Variants in IL1RAPL2 observed in about 807,000 individuals in gnomAD.
The protein encoded by IL1RAPL2 is interleukin 1 receptor accessory protein like 2.
Under a neutral mutation model 44.1 loss-of-function variants are expected in IL1RAPL2, and 3 were observed. The ratio of observed to expected loss-of-function variants is 0.07; its 90% CI spans 0.03 to 0.18. The LOEUF (loss-of-function observed/expected upper bound fraction) is 0.18, where lower values mean the gene tolerates loss of function less well. Ranked by LOEUF, IL1RAPL2 falls within the 10% of genes least tolerant of loss-of-function variation. IL1RAPL2 has a pLI of 1.00. For missense variants in IL1RAPL2, 391 were observed against 496.4 expected, an observed-to-expected ratio of 0.79 and a Z score of 2.02; for synonymous variants, 181 against 178.8, an observed-to-expected ratio of 1.01 and a Z score of -0.10.
chrX:105,443,799 G>A (rs764871353), intron 5 of IL1RAPL2, among the ~76,000 whole-genome samples: 2 of 112,356 alleles, frequency 1.8e-5, no homozygotes, highest in East Asian at 5.6e-4. Context: ...TGCTGCACAA[G>A]CATAGGAGTG....
At chrX:104,936,646 G>C (rs1252767384) in intron 2 of IL1RAPL2, among the ~76,000 whole-genome samples, 41 of 87,100 alleles carry the variant, frequency 4.7e-4, no homozygotes, top group African/African-American at 1.8e-3. Flanking sequence ...TTTTTGAGAT[G>C]GAGTCTCGCT....
chrX:104,835,740 T>A (rs1232369248), intron 2 of IL1RAPL2, among the ~76,000 whole-genome samples: 1 of 112,422 alleles, frequency 8.9e-6, no homozygotes, highest in Non-Finnish European at 1.9e-5. Flanking sequence ...CTCCCTCACC[T>A]GTCCCAGTTG....
At chrX:104,957,802 G>A (rs1186104986) in intron 2 of IL1RAPL2, among the ~76,000 whole-genome samples, 1 of 111,820 alleles carries the variant, frequency 8.9e-6, no homozygotes, top group East Asian at 2.8e-4. Context: ...ACTCTTCTGG[G>A]CTGGGCACAG....
chrX:104,708,501 G>A (rs1931399143), intron 2 of IL1RAPL2, among the ~76,000 whole-genome samples: 1 of 110,813 alleles, frequency 9.0e-6, no homozygotes, highest in Non-Finnish European at 1.9e-5. Context: ...CCCTACAGGG[G>A]AATAAATGAA....
At chrX:105,064,168 G>T (rs2032108548) in intron 2 of IL1RAPL2, among the ~76,000 whole-genome samples, 1 of 112,285 alleles carries the variant, frequency 8.9e-6, no homozygotes, top group African/African-American at 3.2e-5. Flanking sequence ...GTCCAGAGAT[G>T]CTATTTGGGA....
intron 7 of IL1RAPL2, among the ~76,000 whole-genome samples, chrX:105,733,895 T>G (rs1040636247): frequency 1.8e-5 from 2 of 112,086 alleles, no homozygotes; most frequent in African/African-American, 6.5e-5. Context: ...TTAATATGCC[T>G]TGTTACTTTT....
intron 6 of IL1RAPL2, among the ~76,000 whole-genome samples, chrX:105,557,930 C>T (rs368416718): frequency 3.6e-5 from 4 of 111,397 alleles, no homozygotes; most frequent in East Asian, 5.7e-4. Context: ...GAATGAAGCA[C>T]GCATAACACC....
intron 2 of IL1RAPL2, among the ~76,000 whole-genome samples, chrX:104,947,260 G>A (rs1925407627): frequency 9.2e-6 from 1 of 108,156 alleles, no homozygotes; most frequent in African/African-American, 3.4e-5. Context: ...TTTTGATGGG[G>A]TTGTTTGTTT....
chrX:105,666,782 A>G (rs1195949659), intron 6 of IL1RAPL2, among the ~76,000 whole-genome samples: 1 of 111,396 alleles, frequency 9.0e-6, no homozygotes, highest in East Asian at 2.8e-4. Flanking sequence ...GGCGCCCCTC[A>G]TGTGTCCATT....
chrX:104,760,964 A>C (rs910201270), intron 2 of IL1RAPL2, among the ~76,000 whole-genome samples: 2 of 111,366 alleles, frequency 1.8e-5, no homozygotes, highest in Admixed American at 9.6e-5. Context: ...GTATACAGTG[A>C]GAGATGGGGT....
At chrX:105,693,033 G>C (rs959158463) in intron 6 of IL1RAPL2, among the ~76,000 whole-genome samples, 1 of 111,502 alleles carries the variant, frequency 9.0e-6, no homozygotes, top group Non-Finnish European at 1.9e-5. Context: ...CCAGAAGTCT[G>C]ATCATTTGTG....
Position 105,544,419 on chromosome X carries a change from C to CT in IL1RAPL2, c.772+60041dup, listed in dbSNP as rs1246195181. ...CTTCTTTCTTTCTTTTGATTCTTCT[C>CT]TTTTTTTTTCTTTCTTCTTATTGCC... On this transcript the variant is annotated intron_variant, in intron 6 of 10. Transcript: ENST00000372582. Among the ~76,000 whole-genome samples the CT allele has an allele frequency of 7.0e-4, 77 of 109,349 alleles. 1 individual carries two copies. Among genetic ancestry groups the CT allele is most frequent in the African/African-American group, 1.9e-3 (58 of 30,146 alleles). 95.0% of individuals were successfully genotyped at this position (109,349 alleles called of 115,157 possible).
At chrX:104,622,063 C>A (rs1033863910) in intron 1 of IL1RAPL2, among the ~76,000 whole-genome samples, 1 of 110,028 alleles carries the variant, frequency 9.1e-6, no homozygotes, top group African/African-American at 3.3e-5. Flanking sequence ...GTATCTCATG[C>A]GAGAAGTTTT....
chrX:105,460,731 A>C (rs774400912), intron 5 of IL1RAPL2, among the ~76,000 whole-genome samples: 3 of 112,018 alleles, frequency 2.7e-5, no homozygotes, highest in African/African-American at 9.7e-5. Flanking sequence ...AGGCAAGAAA[A>C]GTTTTCTAGT....
intron 2 of IL1RAPL2, among the ~76,000 whole-genome samples, chrX:104,678,298 A>G (rs1424551647): frequency 4.4e-5 from 5 of 112,372 alleles, no homozygotes; most frequent in African/African-American, 1.6e-4. Context: ...AAACAATACC[A>G]GAGGGAGAAT....
chrX:104,690,330 A>G (rs149356029), intron 2 of IL1RAPL2, among the ~76,000 whole-genome samples: 1 of 112,530 alleles, frequency 8.9e-6, no homozygotes, highest in Non-Finnish European at 1.9e-5. Context: ...CAATATCGCC[A>G]AGGGCCTTGC....
intron 2 of IL1RAPL2, among the ~76,000 whole-genome samples, chrX:104,709,271 G>A (rs760987838): frequency 5.5e-5 from 6 of 109,945 alleles, no homozygotes; most frequent in Admixed American, 1.9e-4. Context: ...AAAAAGCCTG[G>A]ATAATGGCAA....
intron 6 of IL1RAPL2, among the ~76,000 whole-genome samples, chrX:105,546,824 A>G (rs2036805175): frequency 8.9e-6 from 1 of 112,360 alleles, no homozygotes; most frequent in Non-Finnish European, 1.9e-5. Context: ...ACCCAATATA[A>G]TGAGCAGGAT....
intron 2 of IL1RAPL2, among the ~76,000 whole-genome samples, chrX:105,006,868 G>C (rs1030129025): frequency 5.4e-5 from 6 of 111,427 alleles, no homozygotes; most frequent in Non-Finnish European, 1.9e-5. Flanking sequence ...TAAGGCTTGA[G>C]ATGAGTGGGT....
Sources: gnomAD v4.1 joint callset for allele counts (sites outside exome capture counted in the v4.1 genomes callset) on GRCh38, gnomAD v4.1.1 for gene constraint, MANE v1.5 for transcripts, NCBI Gene and HGNC (gene_info 2026-07-23, HGNC 2026-07-21) for gene names.